Variants in DCAF12L1 observed in about 807,000 individuals in gnomAD.
DCAF12L1 encodes the protein DDB1 and CUL4 associated factor 12 like 1, also known as DDB1- and CUL4-associated factor 12-like protein 1.
For missense variants in DCAF12L1, 251 were observed against 409.2 expected (o/e 0.61, Z 3.34); for synonymous variants, 218 against 196.4 (o/e 1.11, Z -0.92).
Position 126,551,833 on chromosome X carries a change from T to A in DCAF12L1, c.776A>T (p.Asn259Ile). 8.3e-7 allele frequency: 1 copy of A among 1,211,995 alleles called. No homozygotes were observed. The stretch of plus-strand genomic sequence containing the variant: ...GGCCCGCACCTTGCGGTTACTGGGG[T>A]TGATGATGGCCCTGGGGATGGCCTC... The part of the protein sequence containing the change: ...DVEAIPRAII[N>I]PSNRKVRALA... Residue 259 changes from asparagine (N) to isoleucine (I), a missense_variant, in exon 1 of 2, where the codon AAC (asparagine) becomes ATC (isoleucine). By Grantham distance (149) the Asn-to-Ile change is moderately radical. Transcript: ENST00000371126.
Position 126,552,149 on chromosome X carries a change from C to T in DCAF12L1, c.460G>A (p.Ala154Thr), listed in dbSNP as rs1157836080. 1 of 1,212,602 alleles carries T rather than the reference C, an allele frequency of 8.2e-7. No individual in the cohort carries two copies. Among genetic ancestry groups the T allele is most frequent in the South Asian group, 1.8e-5 (1 of 57,085 alleles). ...AQDQQGCGIH[A>T]IELNPSKTLL... The stretch of plus-strand genomic sequence containing the variant: ...GTCTTGGAGGGATTCAGCTCGATGG[C>T]ATGGATGCCGCAGCCCTGTTGGTCC... The change falls in exon 1 of 2, where the codon GCC becomes ACC. Residue 154 changes from alanine to threonine, a missense_variant. Ala to Thr is a moderately conservative substitution (Grantham distance 58, BLOSUM62 0). Coordinates refer to ENST00000371126, the MANE Select transcript of DCAF12L1 (RefSeq NM_178470.5).
Position 126,552,217 on chromosome X carries a change from G to A in DCAF12L1, c.392C>T (p.Ala131Val). 5 of 1,212,543 alleles carry A rather than the reference G, an allele frequency of 4.1e-6. No homozygotes were observed. Among genetic ancestry groups the A allele is most frequent in the Middle Eastern group, 2.3e-4 (1 of 4,354 alleles). Residue 131 changes from alanine (A) to valine (V), a missense_variant, in exon 1 of 2, where the codon GCG (alanine) becomes GTG (valine). By Grantham distance (64) the Ala-to-Val change is moderately conservative. Transcript: ENST00000371126. Reference protein sequence around the residue: ...FVVDVESGHIARIPLLRDSEA... With the variant: ...FVVDVESGHIVRIPLLRDSEA... Reference sequence around the variant, plus strand: ...ACTGTCCCGCAAGAGGGGAATGCGCGCGATGTGGCCTGACTCCACGTCCAC... The same window carrying A: ...ACTGTCCCGCAAGAGGGGAATGCGCACGATGTGGCCTGACTCCACGTCCAC...
At position 126,551,297 on chromosome X, in the gene DCAF12L1, A is replaced by G; in HGVS notation, c.1312T>C (p.Trp438Arg). Residue 438 changes from tryptophan (W) to arginine (R), a missense_variant, in exon 1 of 2, where the codon TGG (tryptophan) becomes CGG (arginine). Transcript: ENST00000371126. ...GCCACAAAGAGCTTCATCTCAGGCC[A>G]GTTGTAGCAGTGGGTGTAGAGCGCA... The part of the protein sequence containing the change: ...PNALYTHCYN[W>R]PEMKLFVAGG... 1 of 1,211,668 alleles carries G rather than the reference A, an allele frequency of 8.3e-7. No individual in the cohort carries two copies. Among genetic ancestry groups the G allele is most frequent in the Non-Finnish European group, 1.1e-6 (1 of 895,541 alleles).
chrX:126,552,698 C>T lies in DCAF12L1; in HGVS notation c.-90G>A. 8.8e-7 allele frequency: 1 copy of T among 1,132,780 alleles called. No individual in the cohort carries two copies. Among genetic ancestry groups the T allele is most frequent in the Non-Finnish European group, 1.2e-6 (1 of 860,069 alleles). 93.4% of individuals were successfully genotyped at this position (1,132,780 alleles called of 1,213,427 possible). ...TCGGTCGTGGCGGCGGCGTGGATGG[C>T]TGCGCTGGAACCGAGCCTTCGGATT... On this transcript the variant is annotated 5_prime_UTR_variant, in exon 1 of 2. Transcript: ENST00000371126.
chrX:126,551,169 C>A (rs751961562), intron 1 of DCAF12L1, 26 bp downstream of exon 1: 1 of 1,152,802 alleles, frequency 8.7e-7, no homozygotes, highest in Non-Finnish European at 1.2e-6. Flanking sequence ...GGCAGTCGGG[C>A]GGAACTGAAA....
chrX:126,549,474 G>T lies in DCAF12L1; in HGVS notation c.*1656C>A. The T allele has an allele frequency of 9.0e-6, 1 of 111,635 alleles. No individual in the cohort carries two copies. The highest frequency in any genetic ancestry group is 1.9e-5 in the Non-Finnish European group (1 of 53,092). 9.2% of individuals were successfully genotyped at this position (111,635 alleles called of 1,213,427 possible). A position where few individuals can be genotyped will look rare whatever the true frequency, so the allele number is the denominator to read the frequency against. On this transcript the variant is annotated 3_prime_UTR_variant, in exon 2 of 2. Coordinates refer to ENST00000371126, the MANE Select transcript of DCAF12L1 (RefSeq NM_178470.5). ...TTCAACCAGTACATATTTACTTATT[G>T]CCTTTTATTTGCTAAGTATTAGTGG...
Position 126,551,185 on chromosome X carries a change from A to G in DCAF12L1, c.*22+10T>C. ...GCAGTCGGGCGGAACTGAAAGGTAA[A>G]TCTGTGTACCTGGAGTACAAGGCGG... On this transcript the variant is annotated intron_variant, in intron 1 of 1. Coordinates refer to ENST00000371126, the MANE Select transcript of DCAF12L1 (RefSeq NM_178470.5). 8.5e-7 allele frequency: 1 copy of G among 1,172,195 alleles called. No individual in the cohort carries two copies. Among genetic ancestry groups the G allele is most frequent in the Non-Finnish European group, 1.1e-6 (1 of 877,394 alleles).
rs1421693723 is a variant in DCAF12L1, at chrX:126,551,066, T to C, written c.*64A>G. 1.6e-6 allele frequency: 1 copy of C among 643,894 alleles called. No homozygotes were observed. Among genetic ancestry groups the C allele is most frequent in the South Asian group, 4.3e-5 (1 of 23,400 alleles). The allele number at this position is 643,894 out of a possible 1,213,427, so 53.1% of individuals were successfully genotyped here. A position where few individuals can be genotyped will look rare whatever the true frequency, so the allele number is the denominator to read the frequency against. On this transcript the variant is annotated 3_prime_UTR_variant, in exon 2 of 2. Transcript: ENST00000371126. ...TCATTGACCAAAGGACCACTCACTC[T>C]CTCTGCTTGGAGGAGTACAAATTAA...
chrX:126,551,830 G>C lies in DCAF12L1; in HGVS notation c.779C>G (p.Pro260Arg). 1.6e-6 allele frequency: 2 copies of C among 1,212,499 alleles called. No individual in the cohort carries two copies. The highest frequency in any genetic ancestry group is 2.2e-6 in the Non-Finnish European group (2 of 895,691). The change falls in exon 1 of 2, where the codon CCC becomes CGC. Residue 260 changes from proline to arginine, a missense_variant. Physicochemically the swap from Pro to Arg is moderately radical, Grantham distance 103. Coordinates refer to ENST00000371126, the MANE Select transcript of DCAF12L1 (RefSeq NM_178470.5). ...VEAIPRAIIN[P>R]SNRKVRALAC... ...CAGGGCCCGCACCTTGCGGTTACTGGGGTTGATGATGGCCCTGGGGATGGC... is the reference window on the plus strand; with the variant it reads ...CAGGGCCCGCACCTTGCGGTTACTGCGGTTGATGATGGCCCTGGGGATGGC...
At position 126,550,184 on chromosome X, in the gene DCAF12L1, G is replaced by T. The variant is rs1927438586; in HGVS notation, c.*946C>A. ...TACCTCTTAAGCAGAATTGGAAAATGTTAAATATCCTCAAATATAACATTT... is the reference window on the plus strand; with the variant it reads ...TACCTCTTAAGCAGAATTGGAAAATTTTAAATATCCTCAAATATAACATTT... On this transcript the variant is annotated 3_prime_UTR_variant, in exon 2 of 2. Transcript: ENST00000371126. 1 of 111,902 alleles carries T rather than the reference G, an allele frequency of 8.9e-6. No individual in the cohort carries two copies. The highest frequency in any genetic ancestry group is 3.3e-5 in the African/African-American group (1 of 30,726). The allele number at this position is 111,902 out of a possible 1,213,427, so 9.2% of individuals were successfully genotyped here. A position where few individuals can be genotyped will look rare whatever the true frequency, so the allele number is the denominator to read the frequency against.
Position 126,551,793 on chromosome X carries a change from G to T in DCAF12L1, c.816C>A (p.Gly272=). Residue 272 remains glycine, a synonymous_variant, in exon 1 of 2, where the codon GGC becomes GGA. Transcript: ENST00000371126. The part of the protein sequence containing the change: ...NRKVRALACG[G]KNQELGAVSL... Reference sequence around the variant, plus strand: ...ACACCGCTCCCAGTTCCTGGTTCTTGCCGCCGCAGGCCAGGGCCCGCACCT... The same window carrying T: ...ACACCGCTCCCAGTTCCTGGTTCTTTCCGCCGCAGGCCAGGGCCCGCACCT... The T allele has an allele frequency of 3.3e-6, 4 of 1,212,072 alleles. No individual in the cohort carries two copies. The highest frequency in any genetic ancestry group is 4.5e-6 in the Non-Finnish European group (4 of 895,559).
In DCAF12L1 at chrX:126,551,941, T is replaced by C; in HGVS notation, c.668A>G (p.Asp223Gly). The change falls in exon 1 of 2, where the codon GAC (aspartate) becomes GGC (glycine). Residue 223 changes from aspartate (D) to glycine (G), a missense_variant. Coordinates refer to ENST00000371126, the MANE Select transcript of DCAF12L1 (RefSeq NM_178470.5). ...RDGTVALWRM[D>G]PDKFDDTVAW... ...AACAGTGTCATCGAACTTGTCCGGG[T>C]CCATCCGCCACAGCGCCACAGTGCC... is the stretch of plus-strand genomic sequence containing the variant. 1 of 1,212,034 alleles carries C rather than the reference T, an allele frequency of 8.3e-7. No homozygotes were observed. The highest frequency in any genetic ancestry group is 1.1e-6 in the Non-Finnish European group (1 of 895,586).
At position 126,552,776 on chromosome X, in the gene DCAF12L1, G is replaced by A; in HGVS notation, c.-168C>T. 1 of 849,882 alleles carries A rather than the reference G, an allele frequency of 1.2e-6. No individual in the cohort carries two copies. Among genetic ancestry groups the A allele is most frequent in the Non-Finnish European group, 1.6e-6 (1 of 629,735 alleles). The allele number at this position is 849,882 out of a possible 1,213,427, so 70.0% of individuals were successfully genotyped here. On this transcript the variant is annotated 5_prime_UTR_variant, in exon 1 of 2. Coordinates refer to ENST00000371126, the MANE Select transcript of DCAF12L1 (RefSeq NM_178470.5). ...GAGGGACGCGCGGGAGAGGGCGGCG[G>A]TGGCGGTGCAGACCTAGGCGAAGGC...
Position 126,551,865 on chromosome X carries a change from C to T in DCAF12L1, c.744G>A (p.Arg248=). 5 of 1,212,307 alleles carry T rather than the reference C, an allele frequency of 4.1e-6. No homozygotes were observed. The highest frequency in any genetic ancestry group is 4.5e-6 in the Non-Finnish European group (4 of 895,636). Residue 248 remains arginine, a synonymous_variant, in exon 1 of 2, where the codon AGG becomes AGA. Coordinates refer to ENST00000371126, the MANE Select transcript of DCAF12L1 (RefSeq NM_178470.5). ...TGGCCCTGGGGATGGCCTCCACATCCCTCGGACGGATGTGGGCATATACGG... is the reference window on the plus strand; with the variant it reads ...TGGCCCTGGGGATGGCCTCCACATCTCTCGGACGGATGTGGGCATATACGG... ...GLPVYAHIRP[R]DVEAIPRAII...
Position 126,551,216 on chromosome X carries a change from C to T in DCAF12L1, c.*1G>A. ...GTACCTGGAGTACAAGGCGGTCATC[C>T]TTAGCTCCAGAGGCCTGCATAGTTC... On this transcript the variant is annotated 3_prime_UTR_variant, in exon 1 of 2. Transcript: ENST00000371126. 2.5e-6 allele frequency: 3 copies of T among 1,203,193 alleles called. No individual in the cohort carries two copies. Among genetic ancestry groups the T allele is most frequent in the Non-Finnish European group, 3.4e-6 (3 of 891,538 alleles).
Position 126,551,584 on chromosome X carries a change from C to T in DCAF12L1, c.1025G>A (p.Arg342Gln), listed in dbSNP as rs1160376522. ...GCCACCCTCTCGAGAACACAGGGGC[C>T]GGATGTTCTGCTGGTCCTGGCGCAG... ...LDLRQDQQNI[R>Q]PLCSREGGTG... The change falls in exon 1 of 2, where the codon CGG (arginine) becomes CAG (glutamine). Residue 342 changes from arginine (R) to glutamine (Q), a missense_variant. Arg to Gln is a conservative substitution (Grantham distance 43). Transcript: ENST00000371126. The T allele has an allele frequency of 2.5e-6, 3 of 1,211,099 alleles. No homozygotes were observed. The highest frequency in any genetic ancestry group is 3.4e-6 in the Non-Finnish European group (3 of 895,345).
rs1230128672 is a variant in DCAF12L1 at position 126,551,514 on chromosome X, C to G, written c.1095G>C (p.Val365=). ...AGAGCAGGGAGCCCTGACCGGTGCC[C>G]ACAGTGATGATGTGGCGGTAGAAGC... is the stretch of plus-strand genomic sequence containing the variant. ...SLSFYRHIIT[V]GTGQGSLLFY... is the part of the protein sequence containing the mutation. The change falls in exon 1 of 2, where the codon GTG becomes GTC. Residue 365 remains valine, a synonymous_variant. Transcript: ENST00000371126. 8.3e-7 allele frequency: 1 copy of G among 1,209,677 alleles called. No individual in the cohort carries two copies. The highest frequency in any genetic ancestry group is 1.8e-5 in the African/African-American group (1 of 57,111).
chrX:126,552,244 A>T lies in DCAF12L1; in HGVS notation c.365T>A (p.Val122Glu), dbSNP rs1927476862. ...GATGTGGCCTGACTCCACGTCCACCACGAAAAGCGTGTTACACTTGGTGCC... is the reference window on the plus strand; with the variant it reads ...GATGTGGCCTGACTCCACGTCCACCTCGAAAAGCGTGTTACACTTGGTGCC... ...VCGTKCNTLF[V>E]VDVESGHIAR... The change falls in exon 1 of 2, where the codon GTG (valine) becomes GAG (glutamate). Residue 122 changes from valine to glutamate, a missense_variant. Transcript: ENST00000371126. 4.9e-6 allele frequency: 6 copies of T among 1,212,394 alleles called. No individual in the cohort carries two copies. The highest frequency in any genetic ancestry group is 6.7e-6 in the Non-Finnish European group (6 of 895,620).
rs751671078 is a variant in DCAF12L1 at position 126,551,840 on chromosome X, T to G, written c.769A>C (p.Ile257Leu). 42 of 1,211,255 alleles carry G rather than the reference T, an allele frequency of 3.5e-5. No individual in the cohort carries two copies. Among genetic ancestry groups the G allele is most frequent in the Non-Finnish European group, 3.4e-6 (3 of 895,462 alleles). The change falls in exon 1 of 2, where the codon ATC becomes CTC. Residue 257 changes from isoleucine (I) to leucine (L), a missense_variant. Ile to Leu is a conservative substitution (Grantham distance 5). Transcript: ENST00000371126. Reference sequence around the variant, plus strand: ...ACCTTGCGGTTACTGGGGTTGATGATGGCCCTGGGGATGGCCTCCACATCC... The same window carrying G: ...ACCTTGCGGTTACTGGGGTTGATGAGGGCCCTGGGGATGGCCTCCACATCC... ...PRDVEAIPRA[I>L]INPSNRKVRA...
Sources: allele counts gnomAD v4.1 joint callset, GRCh38; gene constraint gnomAD v4.1.1; transcripts MANE v1.5; gene names NCBI Gene and HGNC (gene_info 2026-07-23, HGNC 2026-07-21).